MMP26: variants seen among roughly 807,000 people sequenced by gnomAD.
The protein encoded by MMP26 is matrix metallopeptidase 26.
A neutral mutation model predicts 31.0 loss-of-function variants in MMP26; 33 were observed. That is an observed-to-expected ratio of 1.06 (90% CI 0.81 to 1.42). The LOEUF (loss-of-function observed/expected upper bound fraction) is 1.42, where lower values mean the gene tolerates loss of function less well. Among genes scored for constraint, MMP26 ranks in the 40% most tolerant of loss-of-function variants. The pLI is 0.00. For missense variants in MMP26, 347 were observed against 316.1 expected (o/e 1.10, Z -0.74); for synonymous variants, 122 against 114.9 (o/e 1.06, Z -0.40).
chr11:4,898,977 T>C (rs1850762324), intron 2 of MMP26, among the ~76,000 whole-genome samples: 1 of 152,060 alleles, frequency 6.6e-6, no homozygotes, highest in Non-Finnish European at 1.5e-5. Context: ...CTGTCAGTGC[T>C]ACAGAAAAAT....
chr11:4,823,759 G>A (rs865974851), intron 2 of MMP26, among the ~76,000 whole-genome samples: 5 of 152,200 alleles, frequency 3.3e-5, no homozygotes, highest in South Asian at 4.2e-4. Flanking sequence ...GCATAACAAC[G>A]TAAGAGTTTT....
chr11:4,803,173 A>G (rs976565091), intron 2 of MMP26, among the ~76,000 whole-genome samples: 2 of 152,204 alleles, frequency 1.3e-5, no homozygotes, highest in African/African-American at 4.8e-5. Flanking sequence ...CACTGATTTA[A>G]TAGGTAAAAC....
At chr11:4,819,114 T>G (rs1381896451) in intron 2 of MMP26, among the ~76,000 whole-genome samples, 1 of 152,092 alleles carries the variant, frequency 6.6e-6, no homozygotes, top group Non-Finnish European at 1.5e-5. Context: ...GGAAAAACAG[T>G]TATAAGAGAA....
intron 2 of MMP26, among the ~76,000 whole-genome samples, chr11:4,791,313 A>G (rs190356132): frequency 3.3e-5 from 5 of 152,350 alleles, no homozygotes; most frequent in African/African-American, 9.6e-5. Context: ...TTAGATTCCA[A>G]TAAGACTGCT....
chr11:4,951,292 A>G (rs966416229), intron 2 of MMP26, among the ~76,000 whole-genome samples: 5 of 124,168 alleles, frequency 4.0e-5, no homozygotes, highest in African/African-American at 1.4e-4. Context: ...TTCAAATGGC[A>G]TATTTCTGGG....
At chr11:4,788,866 A>G (rs1281579021) in intron 2 of MMP26, among the ~76,000 whole-genome samples, 1 of 152,126 alleles carries the variant, frequency 6.6e-6, no homozygotes, top group Admixed American at 6.5e-5. Flanking sequence ...CATGTATTGA[A>G]TGGATGGATG....
intron 2 of MMP26, chr11:4,822,207 T>C: frequency 6.3e-7 from 1 of 1,593,144 alleles, no homozygotes; most frequent in Non-Finnish European, 8.6e-7. Context: ...GTTTGTCTCT[T>C]GTCCATCGCT....
chr11:4,911,236 C>G (rs1850987216), intron 2 of MMP26, among the ~76,000 whole-genome samples: 1 of 152,092 alleles, frequency 6.6e-6, no homozygotes, highest in Admixed American at 6.5e-5. Flanking sequence ...AAATAATGGA[C>G]TTTGTTATCT....
intron 2 of MMP26, chr11:4,859,737 G>A (rs952684318): frequency 2.1e-6 from 1 of 471,198 alleles, no homozygotes. Context: ...CCATGACCAT[G>A]TGCACTACTG....
chr11:4,860,973 C>G (rs1850145771), intron 2 of MMP26, among the ~76,000 whole-genome samples: 1 of 151,548 alleles, frequency 6.6e-6, no homozygotes, highest in Non-Finnish European at 1.5e-5. Context: ...TAAAACCTCA[C>G]AATACCATCA....
At chr11:4,801,315 G>C (rs1849178125) in intron 2 of MMP26, among the ~76,000 whole-genome samples, 1 of 152,012 alleles carries the variant, frequency 6.6e-6, no homozygotes, top group South Asian at 2.1e-4. Flanking sequence ...AATATCTGAG[G>C]CTGGGTTATT....
chr11:4,726,968 A>T (rs2133280400), intron 1 of MMP26, among the ~76,000 whole-genome samples: 1 of 152,278 alleles, frequency 6.6e-6, no homozygotes, highest in African/African-American at 2.4e-5. Flanking sequence ...GTGAACTATG[A>T]TTATGCCATT....
At chr11:4,875,111 A>G (rs1850362011) in intron 2 of MMP26, 1 of 152,138 alleles carries the variant, frequency 6.6e-6, no homozygotes, top group African/African-American at 2.4e-5. Context: ...TGGCTGAGCC[A>G]TATATTAGTT....
chr11:4,909,297 T>C (rs1046783210), intron 2 of MMP26: 1 of 152,048 alleles, frequency 6.6e-6, no homozygotes, highest in Non-Finnish European at 1.5e-5. Flanking sequence ...GAGTATACAG[T>C]TGAAAATACA....
chr11:4,721,005 T>C (rs1387820534), intron 1 of MMP26, among the ~76,000 whole-genome samples: 2 of 152,318 alleles, frequency 1.3e-5, no homozygotes, highest in Admixed American at 6.5e-5. Context: ...ATGGCACTGA[T>C]AGGGACAACA....
chr11:4,783,638 T>A (rs1848895691), intron 2 of MMP26, among the ~76,000 whole-genome samples: 1 of 152,176 alleles, frequency 6.6e-6, no homozygotes, highest in African/African-American at 2.4e-5. Flanking sequence ...AGGGGTGGAA[T>A]GATGTGGTTT....
chr11:4,914,447 T>C (rs955063847), intron 2 of MMP26: 2 of 385,776 alleles, frequency 5.2e-6, no homozygotes, highest in African/African-American at 2.0e-5. Flanking sequence ...CCTATCTCTT[T>C]ATGAGGAGTA....
chr11:4,787,741 C>G (rs957897475), intron 2 of MMP26: 4 of 152,178 alleles, frequency 2.6e-5, no homozygotes, highest in African/African-American at 9.7e-5. Context: ...CTACCTGATT[C>G]AATCATATTC....
rs369711523 is a variant in MMP26 at position 4,714,379 on chromosome 11, T to C, written c.-217+9334T>C. 1.1e-4 allele frequency among the ~76,000 whole-genome samples: 17 copies of C among 152,320 alleles called. No individual in the cohort carries two copies. The East Asian group carries it at 3.3e-3, about 29-fold the overall frequency. ...TGTGTCCATGCAATTTTAAGTTTCC[T>C]GGTTAGTTGTGTCACATTTTATAAC... is the stretch of plus-strand genomic sequence containing the variant. On this transcript the variant is annotated intron_variant, in intron 1 of 7. Transcript: ENST00000380390.
Sources: gnomAD v4.1 joint callset for allele counts (sites outside exome capture counted in the v4.1 genomes callset) on GRCh38, gnomAD v4.1.1 for gene constraint, MANE v1.5 for transcripts, NCBI Gene and HGNC (gene_info 2026-07-23, HGNC 2026-07-21) for gene names.